Variants in PPP6R2 observed in about 807,000 individuals in gnomAD.
PPP6R2 encodes the protein serine/threonine-protein phosphatase 6 regulatory subunit 2.
A neutral mutation model predicts 100.2 loss-of-function variants in PPP6R2; 62 were observed. The ratio of observed to expected loss-of-function variants is 0.62; its 90% confidence interval spans 0.50 to 0.76. PPP6R2 has a LOEUF of 0.76. Among genes scored for constraint, PPP6R2 ranks in the 30% least tolerant of loss-of-function variants. The probability of loss-of-function intolerance (pLI) is 0.00; values close to 1 mark genes in which losing one functional copy is unlikely to be tolerated. For missense variants in PPP6R2, 1,142 were observed against 1,276.3 expected, an observed-to-expected ratio of 0.89 and a Z score of 1.60; for synonymous variants, 525 against 514.7, an observed-to-expected ratio of 1.02 and a Z score of -0.27.
intron 4 of PPP6R2, among the ~76,000 whole-genome samples, chr22:50,414,176 A>C (rs1357124970): frequency 6.6e-6 from 1 of 152,226 alleles, no homozygotes; most frequent in South Asian, 2.1e-4. Flanking sequence ...AGTGATGGCC[A>C]TCAGCTCAGC....
chr22:50,438,814 G>A (rs1256292651), intron 19 of PPP6R2, 52 bp downstream of exon 19: 4 of 1,510,162 alleles, frequency 2.6e-6, no homozygotes, highest in Admixed American at 2.1e-5. Context: ...ACAGGACATG[G>A]TACCCCGGCC....
chr22:50,393,555 G>A, intron 2 of PPP6R2: 1 of 967,532 alleles, frequency 1.0e-6, no homozygotes, highest in Non-Finnish European at 1.2e-6. Context: ...GGGAAGGAGG[G>A]CAAAGGAGGG....
intron 1 of PPP6R2, among the ~76,000 whole-genome samples, chr22:50,371,757 C>T (rs555266066): frequency 7.7e-4 from 118 of 152,284 alleles, no homozygotes; most frequent in African/African-American, 2.6e-3. Context: ...CCGCCTCAGC[C>T]TCCCGAGTAG....
In PPP6R2 at chr22:50,431,566, C is replaced by A. The variant is rs1427388723; in HGVS notation, c.1335+184C>A. ...TGGGGCTTGAGTGGGTCTTGCAGAT[C>A]TCATTCCTACCTGCCTTCAGCAGGG... On this transcript the variant is annotated intron_variant, in intron 11 of 23. Transcript: ENST00000612753. The surrounding 1 kb of genome is among the most constrained non-coding windows in gnomAD (Gnocchi z 4.8). Among the ~76,000 whole-genome samples the A allele has an allele frequency of 6.6e-6, 1 of 152,244 alleles. No homozygotes were observed. Among genetic ancestry groups the A allele is most frequent in the Admixed American group, 6.5e-5 (1 of 15,286 alleles).
chr22:50,356,087 A>G (rs1474243058), intron 1 of PPP6R2, among the ~76,000 whole-genome samples: 1 of 149,002 alleles, frequency 6.7e-6, no homozygotes, highest in Admixed American at 6.7e-5. Flanking sequence ...CTCAGCCTCC[A>G]GAGTAGCTGG....
intron 2 of PPP6R2, among the ~76,000 whole-genome samples, chr22:50,384,684 A>T (rs1283786948): frequency 6.6e-6 from 1 of 151,808 alleles, no homozygotes; most frequent in Non-Finnish European, 1.5e-5. Context: ...GGCGTGGGAC[A>T]TCACGTGGCA....
At chr22:50,375,306 G>A (rs2051238558) in intron 2 of PPP6R2, among the ~76,000 whole-genome samples, 1 of 152,108 alleles carries the variant, frequency 6.6e-6, no homozygotes. Flanking sequence ...CAAAAAAGCA[G>A]GAAACTTTTG....
intron 2 of PPP6R2, among the ~76,000 whole-genome samples, chr22:50,377,101 T>C (rs2051768578): frequency 6.6e-6 from 1 of 152,128 alleles, no homozygotes; most frequent in Non-Finnish European, 1.5e-5. Flanking sequence ...AAAGGTGATA[T>C]AGAATATTTG....
intron 14 of PPP6R2, 111 bp from the exon 15 acceptor site, chr22:50,436,876 GC>G: frequency 1.2e-6 from 1 of 835,606 alleles, no homozygotes; most frequent in Non-Finnish European, 2.0e-6. Flanking sequence ...TGAGTGATGT[GC>G]TGGGTGGGGT....
intron 3 of PPP6R2, among the ~76,000 whole-genome samples, chr22:50,402,427 G>A (rs1718021875): frequency 6.6e-6 from 1 of 151,606 alleles, no homozygotes; most frequent in Non-Finnish European, 1.5e-5. Context: ...CCATAAGGAA[G>A]GGACATGTCC....
intron 2 of PPP6R2, among the ~76,000 whole-genome samples, chr22:50,389,454 G>A (rs946774381): frequency 6.6e-6 from 1 of 152,144 alleles, no homozygotes; most frequent in Non-Finnish European, 1.5e-5. Context: ...AAATGTTCTG[G>A]AGTCAGTTTA....
intron 3 of PPP6R2, among the ~76,000 whole-genome samples, chr22:50,397,524 C>T (rs55958951): frequency 8.8e-5 from 13 of 147,020 alleles, no homozygotes; most frequent in South Asian, 6.5e-4. Flanking sequence ...CTCTGAGGAG[C>T]ATGACTTGGG....
rs1041736888 is a variant in PPP6R2 at position 50,394,169 on chromosome 22, A to G, written c.227+34A>G. On this transcript the variant is annotated intron_variant, in intron 3 of 23. Coordinates refer to ENST00000612753, the MANE Select transcript of PPP6R2 (RefSeq NM_001242898.2). Reference sequence around the variant, plus strand: ...CAAAGCTGTGACGGGCCAGTACGCCAGGCAGTGCTGCAGGCAGGCCGCAGG... The same window carrying G: ...CAAAGCTGTGACGGGCCAGTACGCCGGGCAGTGCTGCAGGCAGGCCGCAGG... 10 of 1,606,410 alleles carry G rather than the reference A, an allele frequency of 6.2e-6. No homozygotes were observed. In the African/African-American group the frequency reaches 1.2e-4, roughly 19 times the overall value.
intron 1 of PPP6R2, among the ~76,000 whole-genome samples, chr22:50,366,575 A>G (rs2048809694): frequency 6.6e-6 from 1 of 152,096 alleles, no homozygotes; most frequent in South Asian, 2.1e-4. Flanking sequence ...AAGTGCTGGG[A>G]TTACAGGTGT....
intron 1 of PPP6R2, among the ~76,000 whole-genome samples, chr22:50,366,191 T>A (rs2048723852): frequency 6.6e-6 from 1 of 152,174 alleles, no homozygotes; most frequent in Admixed American, 6.6e-5. Context: ...CTAGTTTTGC[T>A]CTGCCACTGA....
chr22:50,436,348 G>A lies in PPP6R2; in HGVS notation c.1517-19G>A, dbSNP rs1346763180. 6.4e-7 allele frequency: 1 copy of A among 1,559,168 alleles called. No homozygotes were observed. The highest frequency in any genetic ancestry group is 1.2e-5 in the South Asian group (1 of 84,638). ...GCACGGGGTCTCCCAGGGCTCACCA[G>A]GCAGCACTTCCCTTGCAGGGCTCCC... On this transcript the variant is annotated intron_variant, in intron 13 of 23. Coordinates refer to ENST00000612753, the MANE Select transcript of PPP6R2 (RefSeq NM_001242898.2).
At chr22:50,335,846 T>G in the PPP6R2 span, among the ~76,000 whole-genome samples, 1 of 142,574 alleles carries the variant, frequency 7.0e-6, no homozygotes, top group Non-Finnish European at 1.5e-5. Context: ...CGACTAATTT[T>G]TTTGTATTTT....
At chr22:50,425,486 C>A (rs1416286099) in intron 10 of PPP6R2, among the ~76,000 whole-genome samples, 3 of 152,228 alleles carry the variant, frequency 2.0e-5, no homozygotes, top group East Asian at 3.8e-4. Context: ...TGAGTCCTTA[C>A]TTTCAGTTCT....
intron 1 of PPP6R2, among the ~76,000 whole-genome samples, chr22:50,370,453 A>G (rs2049842926): frequency 6.7e-6 from 1 of 150,116 alleles, no homozygotes. Context: ...ACGCCCAGCT[A>G]ATTTTTTGTG....
Sources: gnomAD v4.1 joint callset for allele counts (sites outside exome capture counted in the v4.1 genomes callset) on GRCh38, gnomAD v4.1.1 for gene constraint, Gnocchi (gnomAD v3.1) non-coding constraint, MANE v1.5 for transcripts, NCBI Gene and HGNC (gene_info 2026-07-23, HGNC 2026-07-21) for gene names.